LARGE1: variants seen among roughly 807,000 people sequenced by gnomAD.
LARGE1 encodes LARGE xylosyl- and glucuronyltransferase 1, also known as xylosyl- and glucuronyltransferase LARGE1.
A neutral mutation model predicts 87.6 loss-of-function variants in LARGE1; 43 were observed. That is an observed-to-expected ratio of 0.49 (90% CI 0.38 to 0.63). LARGE1 has a LOEUF of 0.63. Among genes scored for constraint, LARGE1 ranks in the 30% least tolerant of loss-of-function variants. The pLI is 0.00. For synonymous variants in LARGE1, 434 were observed against 394.6 expected (o/e 1.10, Z -1.18); for missense variants, 802 against 1,000.2 (o/e 0.80, Z 2.67).
intron 10 of LARGE1, among the ~76,000 whole-genome samples, chr22:33,328,511 G>A (rs1016373717): frequency 9.9e-5 from 15 of 152,010 alleles, no homozygotes; most frequent in African/African-American, 1.9e-4. Flanking sequence ...CCCGGGAGGC[G>A]GAGGTTGCAG....
chr22:33,190,956 A>G (rs1409710973), intron 11 of LARGE1, among the ~76,000 whole-genome samples: 1 of 152,216 alleles, frequency 6.6e-6, no homozygotes, highest in African/African-American at 2.4e-5. Context: ...TGGTAATAGC[A>G]GCACCTTGTG....
At position 33,573,754 on chromosome 22, in the gene LARGE1, C is replaced by T. The variant is rs181635110; in HGVS notation, c.616-8735G>A. Reference sequence around the variant, plus strand: ...TGTGTCAGGAATCTCAGAGTATATTCGCTGGGTGGTTCTTAGGATTCCTCA... The same window carrying T: ...TGTGTCAGGAATCTCAGAGTATATTTGCTGGGTGGTTCTTAGGATTCCTCA... On this transcript the variant is annotated intron_variant, in intron 5 of 14. Transcript: ENST00000397394. Among the ~76,000 whole-genome samples, 15 of 152,222 alleles carry T rather than the reference C, an allele frequency of 9.9e-5. No individual in the cohort carries two copies. The East Asian group carries it at 1.7e-3, about 18-fold the overall frequency.
chr22:33,451,331 G>A (rs760544326), intron 6 of LARGE1, among the ~76,000 whole-genome samples: 10 of 151,000 alleles, frequency 6.6e-5, no homozygotes, highest in East Asian at 3.9e-4. Context: ...AGAAAAGAAC[G>A]CTCAGCTGCC....
chr22:33,756,995 G>C (rs1292133488), intron 2 of LARGE1, among the ~76,000 whole-genome samples: 1 of 152,198 alleles, frequency 6.6e-6, no homozygotes, highest in East Asian at 1.9e-4. Flanking sequence ...TGAGATGTTA[G>C]AGAAAGAAAG....
At chr22:33,629,168 A>T (rs570317094) in intron 3 of LARGE1, among the ~76,000 whole-genome samples, 1 of 152,326 alleles carries the variant, frequency 6.6e-6, no homozygotes, top group East Asian at 1.9e-4. Context: ...AGGATGAAAG[A>T]TTATAATGCA....
At chr22:33,580,472 T>A (rs1187552222) in intron 5 of LARGE1, among the ~76,000 whole-genome samples, 1 of 151,730 alleles carries the variant, frequency 6.6e-6, no homozygotes, top group Non-Finnish European at 1.5e-5. Flanking sequence ...CCTTACAGAA[T>A]CGAGCTGCTG....
At chr22:33,635,159 G>A (rs1234962631) in intron 3 of LARGE1, among the ~76,000 whole-genome samples, 1 of 151,644 alleles carries the variant, frequency 6.6e-6, no homozygotes, top group Non-Finnish European at 1.5e-5. Flanking sequence ...TGGCCAATCT[G>A]GAGATTCACT....
At chr22:33,086,727 A>G in the LARGE1 span, among the ~76,000 whole-genome samples, 3 of 151,532 alleles carry the variant, frequency 2.0e-5, no homozygotes, top group East Asian at 5.8e-4. Flanking sequence ...TAATTTTTGC[A>G]TTTTTAGTAG....
chr22:33,821,959 T>G (rs986510349), intron 1 of LARGE1, among the ~76,000 whole-genome samples: 3 of 151,486 alleles, frequency 2.0e-5, no homozygotes, highest in Non-Finnish European at 4.4e-5. Context: ...TAGGTTTTTT[T>G]TTTTTTTTTT....
In LARGE1 at chr22:33,308,196, A is replaced by G. The variant is rs570151394; in HGVS notation, c.1452-3689T>C. Among the ~76,000 whole-genome samples, 8 of 152,294 alleles carry G rather than the reference A, an allele frequency of 5.3e-5. 1 individual carries two copies. In the South Asian group the frequency reaches 1.7e-3, roughly 32 times the overall value. On this transcript the variant is annotated intron_variant, in intron 11 of 14. Transcript: ENST00000397394. Reference sequence around the variant, plus strand: ...GAGACGGCCAGGTCAGAAACCCAGAAGACCAGGGCTGGAAGGAATTCTAGA... The same window carrying G: ...GAGACGGCCAGGTCAGAAACCCAGAGGACCAGGGCTGGAAGGAATTCTAGA...
intron 2 of LARGE1, among the ~76,000 whole-genome samples, chr22:33,728,573 A>AC (rs1216683829): frequency 3.4e-5 from 5 of 147,976 alleles, no homozygotes. Flanking sequence ...AAAAAAAAAA[A>AC]AAAAAACCAA....
the LARGE1 span, among the ~76,000 whole-genome samples, chr22:33,095,528 G>A: frequency 6.6e-6 from 1 of 152,158 alleles, no homozygotes; most frequent in African/African-American, 2.4e-5. Flanking sequence ...ACAGGTAGCG[G>A]GAGGGTTAAG....
chr22:33,361,764 C>CTCCTCTTTAGAGTCCT (rs2064397107), intron 9 of LARGE1, among the ~76,000 whole-genome samples: 1 of 149,364 alleles, frequency 6.7e-6, no homozygotes, highest in Non-Finnish European at 1.5e-5. Flanking sequence ...TTTAGAGTCC[C>CTCCTCTTTAGAGTCCT]TCCTCTTGCT....
At chr22:33,136,005 C>T in the LARGE1 span, among the ~76,000 whole-genome samples, 2 of 152,030 alleles carry the variant, frequency 1.3e-5, no homozygotes, top group Admixed American at 1.3e-4. Context: ...TCATAATAGT[C>T]CTATGAGAAT....
At chr22:33,748,986 TC>T (rs1286907448) in intron 2 of LARGE1, among the ~76,000 whole-genome samples, 1 of 152,156 alleles carries the variant, frequency 6.6e-6, no homozygotes, top group Non-Finnish European at 1.5e-5. Context: ...TTTGCATCCC[TC>T]CCAGGAGACT....
intron 1 of LARGE1, among the ~76,000 whole-genome samples, chr22:33,890,160 A>G (rs927487210): frequency 6.6e-6 from 1 of 152,194 alleles, no homozygotes; most frequent in Non-Finnish European, 1.5e-5. Context: ...CAGAGCTACT[A>G]CAGCTTCAGG....
At chr22:33,507,278 T>C (rs932757352) in intron 6 of LARGE1, among the ~76,000 whole-genome samples, 1 of 152,190 alleles carries the variant, frequency 6.6e-6, no homozygotes, top group Non-Finnish European at 1.5e-5. Flanking sequence ...GTTGTCTGAA[T>C]GGGCATCTGG....
intron 5 of LARGE1, among the ~76,000 whole-genome samples, chr22:33,592,620 G>A (rs575297221): frequency 1.3e-5 from 2 of 152,158 alleles, no homozygotes; most frequent in African/African-American, 2.4e-5. Flanking sequence ...AATACTTTTC[G>A]GCATTTGCAA....
intron 11 of LARGE1, among the ~76,000 whole-genome samples, chr22:33,187,206 A>G (rs1227189438): frequency 6.6e-6 from 1 of 152,232 alleles, no homozygotes; most frequent in Non-Finnish European, 1.5e-5. Flanking sequence ...TCATTGCAGC[A>G]TCACTCACAG....
Sources: allele counts gnomAD v4.1 joint callset (sites outside exome capture counted in the v4.1 genomes callset), GRCh38; gene constraint gnomAD v4.1.1; transcripts MANE v1.5; gene names NCBI Gene and HGNC (gene_info 2026-07-23, HGNC 2026-07-21).